Variants in FSHR observed in about 807,000 individuals in gnomAD.
The protein encoded by FSHR is follicle stimulating hormone receptor, also known as follicle-stimulating hormone receptor.
In FSHR, 46 loss-of-function variants were observed where a neutral mutation model predicts 52.1. The observed-to-expected ratio is 0.88, with a 90% CI of 0.70 to 1.13. The LOEUF (loss-of-function observed/expected upper bound fraction) is 1.13, where lower values mean the gene tolerates loss of function less well. Among genes scored for constraint, FSHR ranks in the 50% most tolerant of loss-of-function variants. FSHR has a pLI of 0.00. For synonymous variants in FSHR, 399 were observed against 309.6 expected, an observed-to-expected ratio of 1.29 and a Z score of -3.03; for missense variants, 964 against 834.6, an observed-to-expected ratio of 1.16 and a Z score of -1.91.
chr2:49,118,471 G>T (rs1671684107), intron 1 of FSHR, among the ~76,000 whole-genome samples: 1 of 152,194 alleles, frequency 6.6e-6, no homozygotes, highest in African/African-American at 2.4e-5. Flanking sequence ...GACCGGAGAG[G>T]TGTCATGTGA....
At chr2:48,994,727 C>G (rs1375627763) in intron 4 of FSHR, among the ~76,000 whole-genome samples, 1 of 152,078 alleles carries the variant, frequency 6.6e-6, no homozygotes, top group Non-Finnish European at 1.5e-5. Flanking sequence ...TATTTTGATT[C>G]ACTCAACCAT....
chr2:49,145,250 T>C (rs536497459), intron 1 of FSHR, among the ~76,000 whole-genome samples: 1 of 152,254 alleles, frequency 6.6e-6, no homozygotes, highest in South Asian at 2.1e-4. Context: ...AAAGATTGAG[T>C]CTCTTGTATT....
chr2:48,968,917 C>T (rs1238228733), intron 8 of FSHR, 34 bp from the exon 9 acceptor site: 8 of 1,595,578 alleles, frequency 5.0e-6, no homozygotes, highest in Non-Finnish European at 6.9e-6. Context: ...AACAGGATTA[C>T]TATGGACCTA....
At chr2:49,064,242 C>T (rs1669422387) in intron 2 of FSHR, among the ~76,000 whole-genome samples, 2 of 138,978 alleles carry the variant, frequency 1.4e-5, no homozygotes, top group South Asian at 5.2e-4. Context: ...TACACAAGTG[C>T]TCTGGTTTAA....
At position 49,146,667 on chromosome 2, in the gene FSHR, G is replaced by C. The variant is rs541851941; in HGVS notation, c.152+7599C>G. Among the ~76,000 whole-genome samples, 15 of 152,064 alleles carry C rather than the reference G, an allele frequency of 9.9e-5. No homozygotes were observed. The East Asian group carries it at 2.9e-3, about 29-fold the overall frequency. ...ATCTGACGCCTAGAGAAAGCCTATT[G>C]GTTTGGGGAAGTTTGGTGCCTGAAG... On this transcript the variant is annotated intron_variant, in intron 1 of 9. Coordinates refer to ENST00000406846, the MANE Select transcript of FSHR (RefSeq NM_000145.4).
intron 2 of FSHR, among the ~76,000 whole-genome samples, chr2:49,049,313 G>A (rs952159121): frequency 6.6e-6 from 1 of 152,182 alleles, no homozygotes; most frequent in Non-Finnish European, 1.5e-5. Context: ...TGCTGAAGCA[G>A]AAGTTGTAAA....
chr2:49,015,141 T>C (rs1667433963), intron 4 of FSHR, among the ~76,000 whole-genome samples: 1 of 152,112 alleles, frequency 6.6e-6, no homozygotes, highest in Non-Finnish European at 1.5e-5. Context: ...CAAACTGAGG[T>C]TTAGGGAAAG....
At chr2:49,146,548 A>C (rs1290539134) in intron 1 of FSHR, among the ~76,000 whole-genome samples, 2 of 152,026 alleles carry the variant, frequency 1.3e-5, no homozygotes, top group Admixed American at 6.6e-5. Context: ...CTGCATCTCA[A>C]AATAACAGAA....
chr2:49,135,674 G>C (rs920372282), intron 1 of FSHR, among the ~76,000 whole-genome samples: 1 of 151,988 alleles, frequency 6.6e-6, no homozygotes, highest in African/African-American at 2.4e-5. Flanking sequence ...AAAAATTCAC[G>C]CATAACTTCG....
At chr2:48,998,861 TAC>T (rs1459976503) in intron 4 of FSHR, among the ~76,000 whole-genome samples, 6 of 152,214 alleles carry the variant, frequency 3.9e-5, no homozygotes, top group African/African-American at 1.4e-4. Context: ...TGTGAAATGG[TAC>T]ATAATAAGAG....
At chr2:49,130,482 T>C (rs1672224979) in intron 1 of FSHR, among the ~76,000 whole-genome samples, 1 of 152,208 alleles carries the variant, frequency 6.6e-6, no homozygotes, top group South Asian at 2.1e-4. Flanking sequence ...TCTGTCAGCC[T>C]AGAGAAGTAA....
chr2:49,020,507 ATTTT>A (rs3082696), intron 2 of FSHR, among the ~76,000 whole-genome samples: 3 of 146,960 alleles, frequency 2.0e-5, no homozygotes, highest in African/African-American at 2.5e-5. Context: ...GTCAGTAAAC[ATTTT>A]TTTTTTTTTT....
In FSHR at chr2:49,131,193, C is replaced by G. The variant is rs116178222; in HGVS notation, c.152+23073G>C. On this transcript the variant is annotated intron_variant, in intron 1 of 9. Coordinates refer to ENST00000406846, the MANE Select transcript of FSHR (RefSeq NM_000145.4). ...TAATATTTATTATTTATACTCAGTC[C>G]TTTATTCATTTGCTATTTTCTTTCT... 9.8e-3 allele frequency among the ~76,000 whole-genome samples: 1,490 copies of G among 152,156 alleles called. 28 individuals carry two copies. Among genetic ancestry groups the G allele is most frequent in the African/African-American group, 0.034 (1,419 of 41,514 alleles).
At chr2:49,018,304 T>C (rs1667567827) in intron 3 of FSHR, among the ~76,000 whole-genome samples, 2 of 152,296 alleles carry the variant, frequency 1.3e-5, no homozygotes, top group South Asian at 4.1e-4. Context: ...ATGTTCACAT[T>C]TGGATTCCAA....
At chr2:49,135,350 GC>G (rs1205170935) in intron 1 of FSHR, among the ~76,000 whole-genome samples, 2 of 151,998 alleles carry the variant, frequency 1.3e-5, no homozygotes, top group Admixed American at 1.3e-4. Context: ...AAATTAACCA[GC>G]ACAATACTCA....
intron 1 of FSHR, among the ~76,000 whole-genome samples, chr2:49,136,672 T>G (rs1182206935): frequency 1.3e-5 from 2 of 152,110 alleles, no homozygotes; most frequent in Non-Finnish European, 2.9e-5. Context: ...CATGTTTAAT[T>G]AATTGAGTTT....
At chr2:49,116,864 C>T (rs1473746144) in intron 1 of FSHR, among the ~76,000 whole-genome samples, 2 of 152,090 alleles carry the variant, frequency 1.3e-5, no homozygotes, top group Admixed American at 6.6e-5. Flanking sequence ...TTTGTTGGCT[C>T]AATTAGAAGG....
intron 1 of FSHR, among the ~76,000 whole-genome samples, chr2:49,071,566 A>G (rs182713878): frequency 5.3e-5 from 8 of 152,320 alleles, no homozygotes; most frequent in Admixed American, 5.2e-4. Context: ...ACAAGAAGGA[A>G]TAGTGAATGA....
intron 1 of FSHR, among the ~76,000 whole-genome samples, chr2:49,113,259 C>G (rs754344228): frequency 1.3e-5 from 2 of 152,178 alleles, no homozygotes; most frequent in African/African-American, 2.4e-5. Flanking sequence ...CATTGCTTAT[C>G]TCATCGCCAA....
Sources: allele counts gnomAD v4.1 joint callset (sites outside exome capture counted in the v4.1 genomes callset), GRCh38; gene constraint gnomAD v4.1.1; transcripts MANE v1.5; gene names NCBI Gene and HGNC (gene_info 2026-07-23, HGNC 2026-07-21).